TLE4: variants seen among roughly 807,000 people sequenced by gnomAD.
The protein encoded by TLE4 is TLE family member 4, transcriptional corepressor, also known as transducin-like enhancer protein 4.
TLE4 carries 8 observed loss-of-function variants against 92.8 expected under a neutral mutation model. That is an observed-to-expected ratio of 0.09 (90% CI 0.05 to 0.16). TLE4 has a LOEUF of 0.16. Ranked by LOEUF, TLE4 falls within the 10% of genes least tolerant of loss-of-function variation. TLE4 has a pLI of 1.00. For synonymous variants in TLE4, 371 were observed against 374.1 expected, an observed-to-expected ratio of 0.99 and a Z score of 0.10; for missense variants, 675 against 997.6, an observed-to-expected ratio of 0.68 and a Z score of 4.36.
rs1361530513 is a variant in TLE4 at position 79,683,602 on chromosome 9, C to T, written c.610-21181C>T. Among the ~76,000 whole-genome samples the T allele has an allele frequency of 2.0e-5, 3 of 152,132 alleles. No homozygotes were observed. In the East Asian group the frequency reaches 5.8e-4, roughly 29 times the overall value. On this transcript the variant is annotated intron_variant, in intron 8 of 19. Coordinates refer to ENST00000376552, the MANE Select transcript of TLE4 (RefSeq NM_007005.6). ...ATTTTTTTCTAAATTATGTAAGTTACATCAACATACAACTTTTTATATCTT... is the reference window on the plus strand; with the variant it reads ...ATTTTTTTCTAAATTATGTAAGTTATATCAACATACAACTTTTTATATCTT...
chr9:79,721,321 T>TCCTGG (rs2136252507), intron 16 of TLE4, among the ~76,000 whole-genome samples: 1 of 152,334 alleles, frequency 6.6e-6, no homozygotes, highest in South Asian at 2.1e-4. Context: ...GCAGGACTGG[T>TCCTGG]CCTGTCGCTC....
At chr9:79,672,254 A>T (rs2062527016) in intron 8 of TLE4, among the ~76,000 whole-genome samples, 1 of 152,048 alleles carries the variant, frequency 6.6e-6, no homozygotes, top group Non-Finnish European at 1.5e-5. Context: ...TAAGATACAC[A>T]CTGGGCATAA....
chr9:79,682,388 A>G (rs1452971754), intron 8 of TLE4, among the ~76,000 whole-genome samples: 1 of 152,176 alleles, frequency 6.6e-6, no homozygotes, highest in Non-Finnish European at 1.5e-5. Context: ...TCTAAAGCAC[A>G]TCTGGCCCTC....
At chr9:79,648,680 A>G (rs2058470701) in intron 6 of TLE4, among the ~76,000 whole-genome samples, 1 of 152,344 alleles carries the variant, frequency 6.6e-6, no homozygotes, top group Admixed American at 6.5e-5. Flanking sequence ...ACAAGTAGAA[A>G]CAAGGGATTA....
intron 8 of TLE4, among the ~76,000 whole-genome samples, chr9:79,678,517 A>G (rs889771663): frequency 2.0e-5 from 3 of 152,104 alleles, no homozygotes; most frequent in African/African-American, 4.8e-5. Flanking sequence ...TGTATCTGAG[A>G]AAAAACAATA....
At chr9:79,650,116 A>G (rs553952498) in intron 6 of TLE4, among the ~76,000 whole-genome samples, 4 of 152,058 alleles carry the variant, frequency 2.6e-5, no homozygotes, top group South Asian at 4.1e-4. Context: ...GGATTTTGCC[A>G]TGTTGCCCAG....
rs1003273993 is a variant in TLE4, at chr9:79,572,896, C to T, written c.45+61C>T. On this transcript the variant is annotated intron_variant, in intron 1 of 19. Transcript: ENST00000376552. The stretch of plus-strand genomic sequence containing the variant: ...GCTGGGGGATTCCCCGCGTCGCCCC[C>T]TGCGCACCGAGTTGTGTCTTTTGGC... The T allele has an allele frequency of 8.4e-5, 130 of 1,540,618 alleles. No homozygotes were observed. The African/African-American group carries it at 1.6e-3, about 19-fold the overall frequency.
intron 4 of TLE4, among the ~76,000 whole-genome samples, chr9:79,594,999 T>C (rs1263370468): frequency 6.6e-6 from 1 of 152,228 alleles, no homozygotes; most frequent in Non-Finnish European, 1.5e-5. Context: ...TTTATTTTTG[T>C]TTGCTGCAGC....
intron 5 of TLE4, among the ~76,000 whole-genome samples, chr9:79,616,184 CAA>C (rs1282468484): frequency 6.6e-6 from 1 of 152,160 alleles, no homozygotes; most frequent in South Asian, 2.1e-4. Flanking sequence ...GTTCCATAAA[CAA>C]GAGATGCCAG....
intron 4 of TLE4, among the ~76,000 whole-genome samples, chr9:79,599,301 C>T (rs2044950320): frequency 6.6e-6 from 1 of 152,176 alleles, no homozygotes; most frequent in Admixed American, 6.5e-5. Context: ...TTATTGCATG[C>T]ATCCTGTGCT....
intron 14 of TLE4, among the ~76,000 whole-genome samples, chr9:79,710,121 TG>T (rs1176995165): frequency 6.6e-6 from 1 of 152,240 alleles, no homozygotes; most frequent in Admixed American, 6.5e-5. Context: ...AAAGGTGACT[TG>T]CTTAGTTGGC....
chr9:79,680,912 T>G (rs573280962), intron 8 of TLE4, among the ~76,000 whole-genome samples: 1 of 152,304 alleles, frequency 6.6e-6, no homozygotes, highest in African/African-American at 2.4e-5. Flanking sequence ...TGGTTTTGTT[T>G]ATATGCTGGA....
intron 4 of TLE4, among the ~76,000 whole-genome samples, chr9:79,586,211 A>C (rs745333930): frequency 3.9e-5 from 6 of 152,074 alleles, no homozygotes; most frequent in Non-Finnish European, 8.8e-5. Flanking sequence ...TCTCTACTAA[A>C]AATTAACTGG....
intron 4 of TLE4, among the ~76,000 whole-genome samples, chr9:79,596,081 C>G (rs949232718): frequency 6.6e-6 from 1 of 152,068 alleles, no homozygotes; most frequent in African/African-American, 2.4e-5. Flanking sequence ...CTCCTGACCT[C>G]GTGATCCGCC....
chr9:79,708,670 A>C lies in TLE4; in HGVS notation c.1147A>C (p.Asn383His). 6.2e-7 allele frequency: 1 copy of C among 1,614,052 alleles called. No individual in the cohort carries two copies. The highest frequency in any genetic ancestry group is 1.1e-5 in the South Asian group (1 of 91,082). Residue 383 changes from asparagine to histidine, a missense_variant, in exon 13 of 20, where the codon AAC becomes CAC. By Grantham distance (68) the Asn-to-His change is moderately conservative (BLOSUM62 1). Around this residue, in one of 5 missense-constraint regions of TLE4, gnomAD observed 119 missense variants for 175.9 expected, o/e 0.68. Transcript: ENST00000376552. ...TGGGATTGTGCCCCATGCTGGAATG[A>C]ACGGAGAGCTGACCAGCCCCGGAGC... The part of the protein sequence containing the change: ...PFGIVPHAGM[N>H]GELTSPGAAY...
chr9:79,680,830 G>C (rs2064382546), intron 8 of TLE4, among the ~76,000 whole-genome samples: 1 of 152,174 alleles, frequency 6.6e-6, no homozygotes, highest in Non-Finnish European at 1.5e-5. Flanking sequence ...AGAGTTTTTA[G>C]CATGAAGCGT....
intron 4 of TLE4, among the ~76,000 whole-genome samples, chr9:79,608,274 A>T (rs1395621647): frequency 1.3e-5 from 2 of 152,078 alleles, no homozygotes; most frequent in Non-Finnish European, 2.9e-5. Context: ...ATTTCTCATT[A>T]GTCCTCTGAC....
In TLE4 at chr9:79,629,573, C is replaced by T. The variant is rs1032002359; in HGVS notation, c.390+2125C>T. Among the ~76,000 whole-genome samples, 9 of 152,118 alleles carry T rather than the reference C, an allele frequency of 5.9e-5. 1 individual carries two copies. The highest frequency in any genetic ancestry group is 4.1e-4 in the South Asian group (2 of 4,826). On this transcript the variant is annotated intron_variant, in intron 6 of 19. Transcript: ENST00000376552. Reference sequence around the variant, plus strand: ...TCAGCAGTACATTCTGTCAAAGCAGCGTTACGTGCTATCAACGCGGCATAT... The same window carrying T: ...TCAGCAGTACATTCTGTCAAAGCAGTGTTACGTGCTATCAACGCGGCATAT...
At chr9:79,624,578 A>T (rs1265315406) in intron 5 of TLE4, among the ~76,000 whole-genome samples, 2 of 152,178 alleles carry the variant, frequency 1.3e-5, no homozygotes, top group Non-Finnish European at 2.9e-5. Context: ...CATGACTTCC[A>T]TTGTCATTTT....
Sources: allele counts gnomAD v4.1 joint callset (sites outside exome capture counted in the v4.1 genomes callset), GRCh38; gene constraint gnomAD v4.1.1; regional missense constraint gnomAD v4.1.1; transcripts MANE v1.5; gene names NCBI Gene and HGNC (gene_info 2026-07-23, HGNC 2026-07-21).